Variants in CCDC81 observed in about 807,000 individuals in gnomAD.
The protein encoded by CCDC81 is coiled-coil domain-containing protein 81.
A neutral mutation model predicts 83.7 loss-of-function variants in CCDC81; 79 were observed. That is an observed-to-expected ratio of 0.94 (90% CI 0.79 to 1.14). CCDC81 has a LOEUF of 1.14. Among genes scored for constraint, CCDC81 ranks in the 50% most tolerant of loss-of-function variants. The pLI is 0.00. For synonymous variants in CCDC81, 252 were observed against 278.1 expected, an observed-to-expected ratio of 0.91 and a Z score of 0.93; for missense variants, 791 against 778.1, an observed-to-expected ratio of 1.02 and a Z score of -0.20.
intron 1 of CCDC81, among the ~76,000 whole-genome samples, chr11:86,380,649 TC>T (rs1392221102): frequency 2.0e-5 from 3 of 152,224 alleles, no homozygotes; most frequent in African/African-American, 4.8e-5. Context: ...TTGTTCGCTT[TC>T]CTTTTGAAGT....
Position 86,408,120 on chromosome 11 carries a change from A to T in CCDC81, c.970-7A>T. The T allele has an allele frequency of 6.2e-7, 1 of 1,604,044 alleles. No homozygotes were observed. Among genetic ancestry groups the T allele is most frequent in the Non-Finnish European group, 8.5e-7 (1 of 1,177,302 alleles). On this transcript the variant is annotated splice_polypyrimidine_tract_variant and splice_region_variant and intron_variant, in intron 8 of 14. Transcript: ENST00000445632. Reference sequence around the variant, plus strand: ...AAATTTATTTGTCCTGAAATTTGGGATTGTAGGAAATGTGCTATGTATGTT... The same window carrying T: ...AAATTTATTTGTCCTGAAATTTGGGTTTGTAGGAAATGTGCTATGTATGTT...
At chr11:86,385,970 A>AT in intron 1 of CCDC81, 81 bp from the exon 2 acceptor site, 1 of 668,182 alleles carries the variant, frequency 1.5e-6, no homozygotes, top group Non-Finnish European at 2.6e-6. Flanking sequence ...TCATATTTAC[A>AT]TTTTTATTTA....
At position 86,387,528 on chromosome 11, in the gene CCDC81, C is replaced by A; in HGVS notation, c.154C>A (p.Pro52Thr). The A allele has an allele frequency of 6.2e-7, 1 of 1,613,816 alleles. No homozygotes were observed. Among genetic ancestry groups the A allele is most frequent in the Non-Finnish European group, 8.5e-7 (1 of 1,179,932 alleles). The change falls in exon 3 of 15, where the codon CCA becomes ACA. Residue 52 changes from proline to threonine, a missense_variant. By Grantham distance (38) the Pro-to-Thr change is conservative (BLOSUM62 -1). Transcript: ENST00000445632. ...TTTTTCCTTTCAGGGGGTTCAGATTCCAGCATTTGGAACTTTCACTTTCAT... is the reference window on the plus strand; with the variant it reads ...TTTTTCCTTTCAGGGGGTTCAGATTACAGCATTTGGAACTTTCACTTTCAT... The part of the protein sequence containing the change: ...QLTLHKGVQI[P>T]AFGTFTFIRQ...
chr11:86,395,644 G>A (rs752759120), intron 5 of CCDC81, among the ~76,000 whole-genome samples: 2 of 152,020 alleles, frequency 1.3e-5, no homozygotes, highest in Non-Finnish European at 2.9e-5. Flanking sequence ...TCACCGCGAC[G>A]GAGTCTTGCT....
At chr11:86,390,438 C>A (rs754220355) in intron 3 of CCDC81, among the ~76,000 whole-genome samples, 1 of 152,022 alleles carries the variant, frequency 6.6e-6, no homozygotes, top group Non-Finnish European at 1.5e-5. Flanking sequence ...TGTGAGGGGC[C>A]TTATATGGTG....
intron 2 of CCDC81, 44 bp downstream of exon 2, chr11:86,386,156 T>A: frequency 1.3e-6 from 1 of 742,136 alleles, no homozygotes; most frequent in Non-Finnish European, 1.9e-6. Flanking sequence ...ATTAATTTAT[T>A]AATTTTAATG....
chr11:86,402,734 A>C (rs1264404253), intron 7 of CCDC81, among the ~76,000 whole-genome samples: 1 of 152,182 alleles, frequency 6.6e-6, no homozygotes, highest in Non-Finnish European at 1.5e-5. Flanking sequence ...GTAATATGAG[A>C]GAGTGCTATA....
chr11:86,380,148 T>C (rs998573733), intron 1 of CCDC81, among the ~76,000 whole-genome samples: 4 of 152,140 alleles, frequency 2.6e-5, no homozygotes, highest in African/African-American at 9.7e-5. Flanking sequence ...TTACTGGCAA[T>C]TAATTCCCTT....
chr11:86,405,460 A>C (rs1948551938), intron 7 of CCDC81, among the ~76,000 whole-genome samples: 1 of 152,202 alleles, frequency 6.6e-6, no homozygotes, highest in South Asian at 2.1e-4. Flanking sequence ...AGTTGTAATT[A>C]TTGGTATATT....
At chr11:86,389,001 C>A (rs879011929) in intron 3 of CCDC81, among the ~76,000 whole-genome samples, 1 of 152,046 alleles carries the variant, frequency 6.6e-6, no homozygotes, top group East Asian at 1.9e-4. Flanking sequence ...CTAGGCCGGG[C>A]ATGGTGGCAC....
chr11:86,417,508 G>A (rs1269725277), intron 13 of CCDC81, among the ~76,000 whole-genome samples: 1 of 151,704 alleles, frequency 6.6e-6, no homozygotes. Context: ...ACCTAGCAAT[G>A]TCATATACAA....
intron 10 of CCDC81, among the ~76,000 whole-genome samples, chr11:86,409,695 C>T (rs573359591): frequency 9.8e-5 from 15 of 152,302 alleles, no homozygotes; most frequent in South Asian, 8.3e-4. Context: ...ATGATCTGCC[C>T]GTCTTGGCCT....
At chr11:86,383,825 G>C (rs1487270062) in intron 1 of CCDC81, among the ~76,000 whole-genome samples, 1 of 152,156 alleles carries the variant, frequency 6.6e-6, no homozygotes, top group Non-Finnish European at 1.5e-5. Context: ...AGCCTCCTAA[G>C]GCAAATGATA....
At chr11:86,386,138 A>T (rs746314412) in intron 2 of CCDC81, 26 bp downstream of exon 2, 38 of 839,926 alleles carry the variant, frequency 4.5e-5, no homozygotes, top group Non-Finnish European at 5.7e-5. Context: ...TTATTAATTT[A>T]TTAATAAATT....
At chr11:86,421,438 T>C (rs1948788744) in intron 14 of CCDC81, among the ~76,000 whole-genome samples, 1 of 152,118 alleles carries the variant, frequency 6.6e-6, no homozygotes, top group Non-Finnish European at 1.5e-5. Flanking sequence ...GCATCCCGAC[T>C]AGCTGGGGCT....
At chr11:86,388,664 G>T (rs1211000928) in intron 3 of CCDC81, among the ~76,000 whole-genome samples, 3 of 152,046 alleles carry the variant, frequency 2.0e-5, no homozygotes, top group Admixed American at 1.3e-4. Context: ...TATTCAGTAT[G>T]GTGGGCTTGA....
intron 13 of CCDC81, among the ~76,000 whole-genome samples, chr11:86,417,480 C>G (rs1485433363): frequency 6.6e-6 from 1 of 151,834 alleles, no homozygotes; most frequent in African/African-American, 2.4e-5. Context: ...TATTACTCTG[C>G]AAACTAATCT....
intron 5 of CCDC81, among the ~76,000 whole-genome samples, 174 bp downstream of exon 5, chr11:86,395,587 G>A (rs1457133032): frequency 1.3e-5 from 2 of 152,150 alleles, no homozygotes; most frequent in Non-Finnish European, 2.9e-5. Flanking sequence ...TACACTTTCT[G>A]TAGTTAAGTT....
chr11:86,408,406 C>T, intron 9 of CCDC81, 136 bp downstream of exon 9: 1 of 771,624 alleles, frequency 1.3e-6, no homozygotes, highest in Non-Finnish European at 1.9e-6. Flanking sequence ...AACCTCTGCT[C>T]ACTGCAGCCT....
Sources: gnomAD v4.1 joint callset for allele counts (sites outside exome capture counted in the v4.1 genomes callset) on GRCh38, gnomAD v4.1.1 for gene constraint, MANE v1.5 for transcripts, NCBI Gene and HGNC (gene_info 2026-07-23, HGNC 2026-07-21) for gene names.